Variants in PALB2 observed in about 807,000 individuals in gnomAD.
PALB2 encodes the protein partner and localizer of BRCA2, also known as mutant partner and localizer of BRCA2.
In PALB2, 82 loss-of-function variants were observed where a neutral mutation model predicts 107.4. The ratio of observed to expected loss-of-function variants is 0.76; its 90% CI spans 0.64 to 0.92. PALB2 has a LOEUF of 0.92. Ranked by LOEUF, PALB2 falls within the 40% of genes least tolerant of loss-of-function variation. The pLI is 0.00. For synonymous variants in PALB2, 489 were observed against 496.8 expected (o/e 0.98, Z 0.21); for missense variants, 1,374 against 1,379.9 (o/e 1.00, Z 0.07).
intron 11 of PALB2, among the ~76,000 whole-genome samples, chr16:23,608,788 G>A (rs1023736385): frequency 2.0e-4 from 20 of 101,868 alleles, no homozygotes; most frequent in Admixed American, 3.9e-4. Flanking sequence ...ATTACTGTAT[G>A]TGTGTATATA....
chr16:23,615,593 C>T (rs1597074868), intron 10 of PALB2, among the ~76,000 whole-genome samples: 1 of 152,162 alleles, frequency 6.6e-6, no homozygotes, highest in African/African-American at 2.4e-5. Flanking sequence ...GTGTGAGAGA[C>T]TGCACCTGGT....
Position 23,635,288 on chromosome 16 carries a change from G to A in PALB2, c.1258C>T (p.Gln420Ter), listed in dbSNP as rs587782446. 1 of 1,613,946 alleles carries A rather than the reference G, an allele frequency of 6.2e-7. No homozygotes were observed. Among genetic ancestry groups the A allele is most frequent in the Non-Finnish European group, 8.5e-7 (1 of 1,180,038 alleles). The change falls in exon 4 of 13, where the codon CAG (glutamine) becomes TAG (stop). Residue 420 changes from glutamine to a stop codon, truncating the protein, a stop_gained. Transcript: ENST00000261584. LOFTEE classifies it high-confidence loss of function. ...ACAGCCTCCACGGCTACTTTCCTCT[G>A]GCAATTGGACATGCTTCGTGTTGTT... ...VRTTRSMSNC[Q>*]RKVAVEAVIQ...
Position 23,635,203 on chromosome 16 carries a change from C to T in PALB2, c.1343G>A (p.Ser448Asn), listed in dbSNP as rs956172059. Residue 448 changes from serine to asparagine, a missense_variant, in exon 4 of 13, where the codon AGT becomes AAT. Physicochemically the swap from Ser to Asn is conservative, Grantham distance 46. Coordinates refer to ENST00000261584, the MANE Select transcript of PALB2 (RefSeq NM_024675.4). ...KGFKNKNKDASKNLNLSNEET... is the reference protein window; with the variant it reads ...KGFKNKNKDANKNLNLSNEET... ...CTCATTGGAAAGGTTTAAATTTTTACTTGCATCCTTATTTTTATTTTTAAA... is the reference window on the plus strand; with the variant it reads ...CTCATTGGAAAGGTTTAAATTTTTATTTGCATCCTTATTTTTATTTTTAAA... 1.2e-5 allele frequency: 19 copies of T among 1,614,126 alleles called. No homozygotes were observed. The highest frequency in any genetic ancestry group is 2.2e-5 in the East Asian group (1 of 44,890).
At chr16:23,613,425 C>T (rs1740280182) in intron 11 of PALB2, among the ~76,000 whole-genome samples, 1 of 152,050 alleles carries the variant, frequency 6.6e-6, no homozygotes, top group South Asian at 2.1e-4. Flanking sequence ...GGGTGGATCA[C>T]CTGAGGTCAG....
rs515726064 is a variant in PALB2 at position 23,635,324 on chromosome 16, A to C, written c.1222T>G (p.Tyr408Asp). 5 of 1,614,042 alleles carry C rather than the reference A, an allele frequency of 3.1e-6. No individual in the cohort carries two copies. The East Asian group carries it at 8.9e-5, about 29-fold the overall frequency. Residue 408 changes from tyrosine to aspartate, a missense_variant, in exon 4 of 13, where the codon TAT becomes GAT. By Grantham distance (160) the Tyr-to-Asp change is radical (BLOSUM62 -3). Transcript: ENST00000261584. Reference sequence around the variant, plus strand: ...ATGCTTCGTGTTGTTCTAACATAATATTCTGCAGGAAACAGAAGGCCTTCA... The same window carrying C: ...ATGCTTCGTGTTGTTCTAACATAATCTTCTGCAGGAAACAGAAGGCCTTCA... ...VPEGLLFPAE[Y>D]YVRTTRSMSN... is the part of the protein sequence containing the mutation.
intron 6 of PALB2, 89 bp downstream of exon 6, chr16:23,629,114 GA>G: frequency 3.0e-6 from 3 of 1,006,372 alleles, no homozygotes; most frequent in Non-Finnish European, 4.7e-6. Context: ...TAGTATTAAA[GA>G]ACAAGAAGCT....
chr16:23,606,330 C>T (rs1029596053), intron 12 of PALB2, among the ~76,000 whole-genome samples: 5 of 152,064 alleles, frequency 3.3e-5, no homozygotes, highest in African/African-American at 1.2e-4. Flanking sequence ...GGTGTGAACC[C>T]GGGAGGCAGA....
rs1251984558 is a variant in PALB2 at position 23,621,370 on chromosome 16, A to C, written c.3105T>G (p.Ile1035Met). The change falls in exon 10 of 13, where the codon ATT becomes ATG. Residue 1035 changes from isoleucine to methionine, a missense_variant. Transcript: ENST00000261584. ...CTAGAGGGAAAGCTTACCAAATAAC[A>C]ATGTTGTTCATAATAGTAGTACCAA... ...ALLGTTIMNN[I>M]VIWNLKTGQL... is the part of the protein sequence containing the mutation. The C allele has an allele frequency of 6.2e-7, 1 of 1,608,428 alleles. No individual in the cohort carries two copies. Among genetic ancestry groups the C allele is most frequent in the African/African-American group, 1.3e-5 (1 of 74,786 alleles).
chr16:23,622,463 C>G (rs1966789971), intron 9 of PALB2, among the ~76,000 whole-genome samples: 1 of 152,066 alleles, frequency 6.6e-6, no homozygotes. Flanking sequence ...GGCGTGATCA[C>G]AGCTCACTGC....
At chr16:23,636,823 A>G (rs536630561) in intron 3 of PALB2, among the ~76,000 whole-genome samples, 22 of 152,298 alleles carry the variant, frequency 1.4e-4, no homozygotes, top group African/African-American at 5.3e-4. Context: ...AGTAATTTTA[A>G]TAACACTCCC....
At chr16:23,630,760 AC>A (rs1822344853) in intron 4 of PALB2, among the ~76,000 whole-genome samples, 1 of 152,150 alleles carries the variant, frequency 6.6e-6, no homozygotes, top group Non-Finnish European at 1.5e-5. Context: ...AAGGGTTCAA[AC>A]AACGGTCATG....
chr16:23,641,023 C>CGGACTGCCGAGG, intron 1 of PALB2, 87 bp downstream of exon 1: 1 of 1,489,130 alleles, frequency 6.7e-7, no homozygotes, highest in East Asian at 2.4e-5. Flanking sequence ...CTGCTGCCCT[C>CGGACTGCCGAGG]GGACTGCCGA....
In PALB2 at chr16:23,614,131, A is replaced by C. The variant is rs515726105; in HGVS notation, c.3114-40T>G. The C allele has an allele frequency of 1.1e-5, 16 of 1,412,944 alleles. No individual in the cohort carries two copies. In the African/African-American group the frequency reaches 2.3e-4, roughly 20 times the overall value. 87.5% of individuals were successfully genotyped at this position (1,412,944 alleles called of 1,614,324 possible). ...ATAAATAAGCTGATCACATTCTTCCAACAAACCAGTTTTCAGAAAATATTT... is the reference window on the plus strand; with the variant it reads ...ATAAATAAGCTGATCACATTCTTCCCACAAACCAGTTTTCAGAAAATATTT... On this transcript the variant is annotated intron_variant, in intron 10 of 12. Coordinates refer to ENST00000261584, the MANE Select transcript of PALB2 (RefSeq NM_024675.4).
intron 10 of PALB2, among the ~76,000 whole-genome samples, chr16:23,619,117 T>A (rs1218693199): frequency 6.6e-6 from 1 of 152,214 alleles, no homozygotes; most frequent in African/African-American, 2.4e-5. Context: ...GTGGTCACAC[T>A]AATATAACTT....
At chr16:23,618,573 G>A (rs372642224) in intron 10 of PALB2, among the ~76,000 whole-genome samples, 5 of 151,866 alleles carry the variant, frequency 3.3e-5, no homozygotes, top group East Asian at 1.9e-4. Context: ...CAATGTAGTC[G>A]AATAAAAAAT....
intron 4 of PALB2, among the ~76,000 whole-genome samples, chr16:23,631,423 T>C (rs781330936): frequency 2.7e-5 from 4 of 146,736 alleles, no homozygotes; most frequent in Non-Finnish European, 6.0e-5. Flanking sequence ...GGGCTGAAAC[T>C]GCACCACTGC....
rs749584711 is a variant in PALB2, at chr16:23,607,850, T to C, written c.3350+14A>G. On this transcript the variant is annotated intron_variant, in intron 12 of 12. Transcript: ENST00000261584. ...GAATGTCCCACCCATAGAGTAGCAG[T>C]TATGCACACTTGCCTGCCAGCCTGC... 3 of 1,613,608 alleles carry C rather than the reference T, an allele frequency of 1.9e-6. No homozygotes were observed. The highest frequency in any genetic ancestry group is 2.5e-6 in the Non-Finnish European group (3 of 1,179,882).
chr16:23,627,444 G>A (rs1050835917), intron 6 of PALB2, among the ~76,000 whole-genome samples: 3 of 145,828 alleles, frequency 2.1e-5, no homozygotes, highest in East Asian at 2.0e-4. Flanking sequence ...CCGAGATTGC[G>A]CCACTGCAGT....
Position 23,641,302 on chromosome 16 carries a change from C to G in PALB2, c.-145G>C, listed in dbSNP as rs373698818. The G allele has an allele frequency of 3.4e-6, 4 of 1,160,828 alleles. No individual in the cohort carries two copies. The allele number at this position is 1,160,828 out of a possible 1,614,324, so 71.9% of individuals were successfully genotyped here. On this transcript the variant is annotated 5_prime_UTR_variant, in exon 1 of 13. Transcript: ENST00000261584. ...ACCCTCAGTGCGCGATCAGCTGACC[C>G]ACGCGGGCCAAGCGCGCCCTAAACT...
Sources: allele counts gnomAD v4.1 joint callset (sites outside exome capture counted in the v4.1 genomes callset), GRCh38; gene constraint gnomAD v4.1.1; transcripts MANE v1.5; gene names NCBI Gene and HGNC (gene_info 2026-07-23, HGNC 2026-07-21).